Variants in COQ2 observed in about 807,000 individuals in gnomAD.
The protein encoded by COQ2 is 4-hydroxybenzoate polyprenyltransferase, mitochondrial.
Under a neutral mutation model 35.7 loss-of-function variants are expected in COQ2, and 25 were observed. The observed-to-expected ratio is 0.70, with a 90% confidence interval of 0.51 to 0.98. COQ2 has a LOEUF of 0.98. Ranked by LOEUF, COQ2 falls within the 50% of genes least tolerant of loss-of-function variation. The probability of loss-of-function intolerance (pLI) is 0.00; values close to 1 mark genes in which losing one functional copy is unlikely to be tolerated. For synonymous variants in COQ2, 206 were observed against 186.2 expected, an observed-to-expected ratio of 1.11 and a Z score of -0.86; for missense variants, 488 against 473.5, an observed-to-expected ratio of 1.03 and a Z score of -0.28.
At chr4:83,267,333 C>T (rs1313464067) in intron 6 of COQ2, 3 of 420,970 alleles carry the variant, frequency 7.1e-6, no homozygotes, top group Non-Finnish European at 1.3e-5. Context: ...GCTGTGATTG[C>T]ACCACTGCAC....
chr4:83,282,760 C>T, intron 1 of COQ2: 1 of 152,876 alleles, frequency 6.5e-6, no homozygotes, highest in East Asian at 1.9e-4. Flanking sequence ...AACGGATGCC[C>T]AGAGAGGTGA....
intron 2 of COQ2, 23 bp from the exon 3 acceptor site, chr4:83,273,640 C>G (rs746359697): frequency 1.2e-6 from 2 of 1,607,998 alleles, no homozygotes; most frequent in South Asian, 1.1e-5. Context: ...AAACAGATAC[C>G]TTAGCTTCAT....
chr4:83,274,672 C>T (rs986093103), intron 2 of COQ2, among the ~76,000 whole-genome samples: 4 of 152,126 alleles, frequency 2.6e-5, no homozygotes, highest in African/African-American at 7.2e-5. Context: ...GTGTGTTTAT[C>T]GTGTCTGGAG....
chr4:83,284,712 A>T lies in COQ2; in HGVS notation c.53T>A (p.Leu18Gln). ...GCCCCGCCAGCCCGGCAGCCACGCC[A>T]GTGCCACAGCCCGCAGGCCCCGCGC... ...GFARGLRAVA[L>Q]AWLPGWRGRS... Residue 18 changes from leucine (L) to glutamine (Q), a missense_variant, in exon 1 of 7, where the codon CTG (leucine) becomes CAG (glutamine). By Grantham distance (113) the Leu-to-Gln change is moderately radical. Coordinates refer to ENST00000647002, the MANE Select transcript of COQ2 (RefSeq NM_001358921.2). 6.7e-7 allele frequency: 1 copy of T among 1,500,584 alleles called. No homozygotes were observed. Among genetic ancestry groups the T allele is most frequent in the Non-Finnish European group, 8.8e-7 (1 of 1,130,498 alleles). 93.0% of individuals were successfully genotyped at this position (1,500,584 alleles called of 1,614,324 possible).
intron 1 of COQ2, chr4:83,282,552 T>C (rs776373321): frequency 2.4e-4 from 219 of 903,704 alleles, no homozygotes; most frequent in Admixed American, 4.3e-4. Context: ...AACCAAACCA[T>C]GCAGGCTGGT....
At chr4:83,275,564 G>A (rs1735146063) in intron 2 of COQ2, among the ~76,000 whole-genome samples, 1 of 152,080 alleles carries the variant, frequency 6.6e-6, no homozygotes, top group Non-Finnish European at 1.5e-5. Flanking sequence ...TAGCCAGTCT[G>A]CCACCTTTTC....
chr4:83,283,763 T>C, intron 1 of COQ2: 1 of 985,424 alleles, frequency 1.0e-6, no homozygotes, highest in Non-Finnish European at 1.2e-6. Flanking sequence ...AGCCAATCAA[T>C]CAACAAGCGC....
At chr4:83,276,170 C>G (rs909637555) in intron 2 of COQ2, among the ~76,000 whole-genome samples, 2 of 150,448 alleles carry the variant, frequency 1.3e-5, no homozygotes, top group African/African-American at 4.9e-5. Context: ...AAGTGTGTAT[C>G]TCATATGTTT....
In COQ2 at chr4:83,267,683, G is replaced by GC; in HGVS notation, c.853dup (p.Ala285GlyfsTer43). ...CACTAGGCTCAGTGCCCCCAGCATT[G>GC]CAACACTGAAGCCGCTGAGCCACGG... On this transcript the variant is annotated frameshift_variant, in exon 6 of 7. Transcript: ENST00000647002. LOFTEE classifies it high-confidence loss of function. The GC allele has an allele frequency of 6.4e-7, 1 of 1,563,178 alleles. No individual in the cohort carries two copies. The highest frequency in any genetic ancestry group is 8.7e-7 in the Non-Finnish European group (1 of 1,154,026).
chr4:83,283,666 G>C lies in COQ2; in HGVS notation c.253+846C>G, dbSNP rs972566340. The C allele has an allele frequency of 6.1e-6, 6 of 985,278 alleles. No individual in the cohort carries two copies. The African/African-American group carries it at 8.7e-5, about 14-fold the overall frequency. 61.0% of individuals were successfully genotyped at this position (985,278 alleles called of 1,614,324 possible). Reference sequence around the variant, plus strand: ...TTTTTCAACTAGACCAGAGTTCCTTGAAAGCAAAGGGTTTCCATAGCTTTT... The same window carrying C: ...TTTTTCAACTAGACCAGAGTTCCTTCAAAGCAAAGGGTTTCCATAGCTTTT... On this transcript the variant is annotated intron_variant, in intron 1 of 6. Coordinates refer to ENST00000647002, the MANE Select transcript of COQ2 (RefSeq NM_001358921.2).
intron 2 of COQ2, among the ~76,000 whole-genome samples, chr4:83,276,050 ATTATATATAATATATATT>A (rs1218076005): frequency 2.7e-3 from 39 of 14,422 alleles, no homozygotes; most frequent in African/African-American, 4.1e-3. Context: ...TAAAATATAT[ATTATATATAATATATATT>A]TTATATATAA....
intron 1 of COQ2, among the ~76,000 whole-genome samples, chr4:83,279,896 T>C (rs1160278978): frequency 7.0e-6 from 1 of 142,356 alleles, no homozygotes; most frequent in Non-Finnish European, 1.5e-5. Flanking sequence ...CATCTCACTC[T>C]GTCACCCAAG....
intron 1 of COQ2, 36 bp downstream of exon 1, chr4:83,284,476 T>G: frequency 3.9e-6 from 6 of 1,534,084 alleles, no homozygotes; most frequent in Non-Finnish European, 5.3e-6. Flanking sequence ...GGCTGCTACT[T>G]GCAAATTCCC....
intron 1 of COQ2, among the ~76,000 whole-genome samples, chr4:83,279,746 A>C (rs1230320247): frequency 2.0e-5 from 3 of 151,714 alleles, no homozygotes; most frequent in African/African-American, 7.3e-5. Flanking sequence ...CTTGCCTTTC[A>C]CTCTATACCC....
chr4:83,267,849 C>T (rs539302382), intron 5 of COQ2, 75 bp from the exon 6 acceptor site: 1 of 1,242,352 alleles, frequency 8.0e-7, no homozygotes, highest in African/African-American at 2.1e-5. Flanking sequence ...TTTGAAGTAT[C>T]AGATTTAGTG....
chr4:83,268,279 C>A (rs1191024676), intron 5 of COQ2, among the ~76,000 whole-genome samples: 1 of 152,208 alleles, frequency 6.6e-6, no homozygotes, highest in Non-Finnish European at 1.5e-5. Context: ...CACTTCTAGC[C>A]CAACCTATCC....
In COQ2 at chr4:83,284,782, G is replaced by C; in HGVS notation, c.-18C>G. 1 of 1,564,612 alleles carries C rather than the reference G, an allele frequency of 6.4e-7. No individual in the cohort carries two copies. Among genetic ancestry groups the C allele is most frequent in the Non-Finnish European group, 8.6e-7 (1 of 1,162,408 alleles). On this transcript the variant is annotated 5_prime_UTR_variant, in exon 1 of 7. Coordinates refer to ENST00000647002, the MANE Select transcript of COQ2 (RefSeq NM_001358921.2). ...CCCAGCATGGCGCTGGTGAGGCCGG[G>C]ACGAGCTCGGATTGACGTCATTCCC... is the stretch of plus-strand genomic sequence containing the variant.
intron 6 of COQ2, chr4:83,267,138 G>A (rs1370375311): frequency 2.2e-6 from 1 of 453,468 alleles, no homozygotes; most frequent in African/African-American, 2.0e-5. Context: ...ACTTTTGGGA[G>A]ACCAGGGCAG....
chr4:83,274,974 T>C (rs1010146728), intron 2 of COQ2, among the ~76,000 whole-genome samples: 1 of 152,248 alleles, frequency 6.6e-6, no homozygotes, highest in Non-Finnish European at 1.5e-5. Flanking sequence ...ATTACAATTA[T>C]TATATCTTTC....
Sources: gnomAD v4.1 joint callset for allele counts (sites outside exome capture counted in the v4.1 genomes callset) on GRCh38, gnomAD v4.1.1 for gene constraint, MANE v1.5 for transcripts, NCBI Gene and HGNC (gene_info 2026-07-23, HGNC 2026-07-21) for gene names.